CNOT10: variants seen among roughly 807,000 people sequenced by gnomAD.
CNOT10 encodes the protein CCR4-NOT transcription complex, subunit 10.
Under a neutral mutation model 94.6 loss-of-function variants are expected in CNOT10, and 30 were observed. The ratio of observed to expected loss-of-function variants is 0.32; its 90% CI spans 0.24 to 0.43. The LOEUF (loss-of-function observed/expected upper bound fraction) is 0.43. Among genes scored for constraint, CNOT10 ranks in the 20% least tolerant of loss-of-function variants. The pLI, the probability that CNOT10 is intolerant of heterozygous loss-of-function variation, is 1.00. For synonymous variants in CNOT10, 289 were observed against 301.6 expected, an observed-to-expected ratio of 0.96 and a Z score of 0.43; for missense variants, 759 against 877.2, an observed-to-expected ratio of 0.87 and a Z score of 1.70.
rs1240213724 is a variant in CNOT10 at position 32,765,369 on chromosome 3, TG to T, written c.2004+564del. 100 of 53,062 alleles carry T rather than the reference TG, an allele frequency of 1.9e-3. 41 individuals are homozygous for T. The Middle Eastern group carries it at 0.066, about 35-fold the overall frequency. The allele number at this position is 53,062 out of a possible 1,614,324, so 3.3% of individuals were successfully genotyped here. Reference sequence around the variant, plus strand: ...CAAATCAGCAGAATAAAAAGCAACTTGGGGCCGGGCACAGTGGCTCACATCT... The same window carrying T: ...CAAATCAGCAGAATAAAAAGCAACTTGGGCCGGGCACAGTGGCTCACATCT... On this transcript the variant is annotated intron_variant, in intron 17 of 18. Coordinates refer to ENST00000328834, the MANE Select transcript of CNOT10 (RefSeq NM_015442.3).
In CNOT10 at chr3:32,732,111, C is replaced by T. The variant is rs866156318; in HGVS notation, c.1216-1312C>T. 4.6e-5 allele frequency among the ~76,000 whole-genome samples: 7 copies of T among 151,880 alleles called. No homozygotes were observed. The Middle Eastern group carries it at 0.02, about 443-fold the overall frequency. On this transcript the variant is annotated intron_variant, in intron 10 of 18. Transcript: ENST00000328834. ...TAAATAAATAAAAGATTTTTTCTGG[C>T]TGGGCGCGGTAGCTCACACCTGTAA...
chr3:32,719,688 ATTAT>A (rs1437713661), intron 7 of CNOT10, among the ~76,000 whole-genome samples: 1 of 152,042 alleles, frequency 6.6e-6, no homozygotes, highest in Non-Finnish European at 1.5e-5. Context: ...AAAGTATTTG[ATTAT>A]TTATATCTCT....
In CNOT10 at chr3:32,759,527, T is replaced by C. The variant is rs772034776; in HGVS notation, c.1665T>C (p.His555=). 7 of 1,614,020 alleles carry C rather than the reference T, an allele frequency of 4.3e-6. No individual in the cohort carries two copies. In the South Asian group the frequency reaches 4.4e-5, roughly 10 times the overall value. Residue 555 remains histidine, a synonymous_variant, in exon 14 of 19, where the codon CAT becomes CAC. Coordinates refer to ENST00000328834, the MANE Select transcript of CNOT10 (RefSeq NM_015442.3). ...GTGATAACCTCATGGCTTTGAATCATGCAGATAAACTTCTTCAGCAGCCCA... is the reference window on the plus strand; with the variant it reads ...GTGATAACCTCATGGCTTTGAATCACGCAGATAAACTTCTTCAGCAGCCCA... ...ALGDNLMALN[H]ADKLLQQPKL...
Position 32,773,479 on chromosome 3 carries a change from G to T in CNOT10, c.2103G>T (p.Gln701His). Residue 701 changes from glutamine (Q) to histidine (H), a missense_variant, in exon 19 of 19, where the codon CAG (glutamine) becomes CAT (histidine). Transcript: ENST00000328834. The stretch of plus-strand genomic sequence containing the variant: ...TAGGTAATACTCAGCTGGCCTTACA[G>T]ATCATCAAAAGGAATCAGCTGCTCC... Reference protein sequence around the residue: ...LQNGNTQLALQIIKRNQLLPA... With the variant: ...LQNGNTQLALHIIKRNQLLPA... 6.2e-7 allele frequency: 1 copy of T among 1,613,658 alleles called. No homozygotes were observed. The highest frequency in any genetic ancestry group is 8.5e-7 in the Non-Finnish European group (1 of 1,179,880).
chr3:32,714,130 G>A (rs1046815364), intron 5 of CNOT10, among the ~76,000 whole-genome samples: 10 of 152,016 alleles, frequency 6.6e-5, no homozygotes, highest in African/African-American at 2.2e-4. Context: ...AATTCCCACC[G>A]GCCACTTGTG....
At chr3:32,743,861 T>C (rs1458062863) in intron 13 of CNOT10, among the ~76,000 whole-genome samples, 2 of 152,100 alleles carry the variant, frequency 1.3e-5, no homozygotes, top group Admixed American at 6.6e-5. Context: ...CTTCCATTTT[T>C]TTTGTGTGTG....
chr3:32,700,427 A>G (rs1030551759), intron 1 of CNOT10, among the ~76,000 whole-genome samples: 3 of 152,224 alleles, frequency 2.0e-5, no homozygotes, highest in African/African-American at 7.2e-5. Context: ...TTCAGAAGTG[A>G]CATTAAAGTT....
intron 5 of CNOT10, chr3:32,715,850 T>C (rs1040608632): frequency 1.9e-5 from 3 of 157,242 alleles, no homozygotes; most frequent in Non-Finnish European, 4.2e-5. Flanking sequence ...CACCTCAGGC[T>C]GGAGTATAGT....
At chr3:32,755,364 G>A (rs895418818) in intron 13 of CNOT10, among the ~76,000 whole-genome samples, 16 of 143,718 alleles carry the variant, frequency 1.1e-4, no homozygotes, top group East Asian at 8.3e-4. Context: ...TGTTGCCCAG[G>A]CTGGAGTGCA....
intron 7 of CNOT10, 43 bp from the exon 8 acceptor site, chr3:32,720,071 G>A (rs200163957): frequency 7.9e-4 from 793 of 999,884 alleles, no homozygotes; most frequent in Non-Finnish European, 1.1e-3. Flanking sequence ...TACATTAGGC[G>A]TCTGAAAACA....
At chr3:32,764,587 C>A in intron 16 of CNOT10, 95 bp from the exon 17 acceptor site, 1 of 1,602,288 alleles carries the variant, frequency 6.2e-7, no homozygotes, top group African/African-American at 1.3e-5. Context: ...CTGAGGAATA[C>A]TGCTGTGCCA....
intron 1 of CNOT10, among the ~76,000 whole-genome samples, chr3:32,694,074 A>G (rs570843840): frequency 6.6e-6 from 1 of 151,950 alleles, no homozygotes; most frequent in South Asian, 2.1e-4. Context: ...TCTAGCAATT[A>G]TACTTAAAAT....
At chr3:32,688,206 G>A (rs1250182481) in intron 1 of CNOT10, among the ~76,000 whole-genome samples, 1 of 152,174 alleles carries the variant, frequency 6.6e-6, no homozygotes, top group Non-Finnish European at 1.5e-5. Context: ...GAACTGGGCA[G>A]GAACAAAACA....
chr3:32,773,250 C>G (rs917159222), intron 18 of CNOT10, among the ~76,000 whole-genome samples: 4 of 152,142 alleles, frequency 2.6e-5, no homozygotes, highest in African/African-American at 7.2e-5. Flanking sequence ...TTTTAAAATT[C>G]CATTGCCTGG....
chr3:32,737,178 G>A (rs1433839215), intron 12 of CNOT10, among the ~76,000 whole-genome samples: 1 of 152,108 alleles, frequency 6.6e-6, no homozygotes, highest in African/African-American at 2.4e-5. Context: ...AGCTGGGCGT[G>A]GTGGTGTGCG....
At chr3:32,769,701 G>A (rs1293287142) in intron 17 of CNOT10, 186 bp from the exon 18 acceptor site, 1 of 558,952 alleles carries the variant, frequency 1.8e-6, no homozygotes, top group African/African-American at 1.9e-5. Flanking sequence ...TACATGTCTA[G>A]CTTAATTGTT....
At chr3:32,746,576 C>T (rs570750872) in intron 13 of CNOT10, among the ~76,000 whole-genome samples, 9 of 152,286 alleles carry the variant, frequency 5.9e-5, no homozygotes, top group Middle Eastern at 3.4e-3. Context: ...GTGGCTCTCG[C>T]CTGTAATCCC....
intron 14 of CNOT10, among the ~76,000 whole-genome samples, chr3:32,761,990 T>G (rs1270819409): frequency 6.6e-6 from 1 of 151,028 alleles, no homozygotes; most frequent in Non-Finnish European, 1.5e-5. Context: ...CAGGCTGGTC[T>G]CGAACTCCCG....
At chr3:32,707,631 C>G (rs1697684181) in intron 3 of CNOT10, among the ~76,000 whole-genome samples, 1 of 151,964 alleles carries the variant, frequency 6.6e-6, no homozygotes, top group Non-Finnish European at 1.5e-5. Flanking sequence ...TGGTGAAACC[C>G]CATCTCTACT....
Sources: gnomAD v4.1 joint callset for allele counts (sites outside exome capture counted in the v4.1 genomes callset) on GRCh38, gnomAD v4.1.1 for gene constraint, MANE v1.5 for transcripts, NCBI Gene and HGNC (gene_info 2026-07-23, HGNC 2026-07-21) for gene names.